PTPRD: variants seen among roughly 807,000 people sequenced by gnomAD.
The protein encoded by PTPRD is protein tyrosine phosphatase receptor type D, also known as receptor-type tyrosine-protein phosphatase delta.
PTPRD carries 34 observed loss-of-function variants against 214.5 expected under a neutral mutation model. That is an observed-to-expected ratio of 0.16 (90% confidence interval 0.12 to 0.21). PTPRD has a LOEUF of 0.21. Among genes scored for constraint, PTPRD ranks in the 10% least tolerant of loss-of-function variants. The pLI is 1.00. For missense variants in PTPRD, 2,545 were observed against 2,398.7 expected (o/e 1.06, Z -1.27); for synonymous variants, 1,128 against 845.7 (o/e 1.33, Z -5.79).
intron 9 of PTPRD, among the ~76,000 whole-genome samples, chr9:9,350,914 C>CA (rs1465905618): frequency 1.3e-5 from 2 of 151,984 alleles, no homozygotes; most frequent in African/African-American, 4.8e-5. Context: ...CAGTTGTCAT[C>CA]AAAAATGAAC....
chr9:10,069,828 T>G (rs1482398091), intron 3 of PTPRD, among the ~76,000 whole-genome samples: 1 of 152,066 alleles, frequency 6.6e-6, no homozygotes, highest in Admixed American at 6.6e-5. Context: ...TGTTTCTGTA[T>G]CTTGCTTCAA....
At chr9:8,763,748 A>T (rs1327959107) in intron 11 of PTPRD, among the ~76,000 whole-genome samples, 1 of 151,894 alleles carries the variant, frequency 6.6e-6, no homozygotes, top group Non-Finnish European at 1.5e-5. Context: ...TTTCTAGAAG[A>T]GAATGATCAT....
intron 4 of PTPRD, among the ~76,000 whole-genome samples, chr9:9,965,707 T>TTAAATTTTAAATTTTAAATTTTA (rs2094639743): frequency 6.6e-6 from 1 of 152,210 alleles, no homozygotes; most frequent in Non-Finnish European, 1.5e-5. Flanking sequence ...ATTTTGGCTG[T>TTAAATTTTAAATTTTAAATTTTA]AAGTGTTGGG....
intron 7 of PTPRD, among the ~76,000 whole-genome samples, chr9:9,714,556 G>A (rs1252441188): frequency 6.6e-6 from 1 of 152,164 alleles, no homozygotes; most frequent in African/African-American, 2.4e-5. Flanking sequence ...CTATTAGCTA[G>A]GTTTTGCCAA....
chr9:8,586,873 C>T (rs1287194549), intron 14 of PTPRD, among the ~76,000 whole-genome samples: 2 of 152,166 alleles, frequency 1.3e-5, no homozygotes, highest in South Asian at 2.1e-4. Context: ...GCCGGCTGGG[C>T]GCCGTGGCTC....
intron 2 of PTPRD, among the ~76,000 whole-genome samples, chr9:10,451,108 T>A (rs930272631): frequency 3.3e-5 from 5 of 152,000 alleles, no homozygotes; most frequent in African/African-American, 1.2e-4. Context: ...TTAAAAGTAT[T>A]TAAGTATACG....
At chr9:10,248,533 A>AAAAAAAAAAAAAAGAAAAAAC (rs60272481) in intron 3 of PTPRD, among the ~76,000 whole-genome samples, 1 of 127,444 alleles carries the variant, frequency 7.8e-6, no homozygotes, top group African/African-American at 3.3e-5. Context: ...AAAATAAAAA[A>AAAAAAAAAAAAAAGAAAAAAC]AATAAAGCGA....
chr9:8,805,097 G>C (rs955049764), intron 11 of PTPRD, among the ~76,000 whole-genome samples: 8 of 152,140 alleles, frequency 5.3e-5, no homozygotes, highest in Non-Finnish European at 7.4e-5. Flanking sequence ...CATGGGATCA[G>C]AACCTATACC....
intron 10 of PTPRD, among the ~76,000 whole-genome samples, chr9:9,052,204 T>C (rs1033535859): frequency 6.6e-6 from 1 of 152,160 alleles, no homozygotes; most frequent in Non-Finnish European, 1.5e-5. Context: ...GTCTATTTTA[T>C]TAGGATACAA....
chr9:9,286,821 T>C (rs1949536153), intron 9 of PTPRD, among the ~76,000 whole-genome samples: 1 of 137,200 alleles, frequency 7.3e-6, no homozygotes, highest in African/African-American at 2.7e-5. Flanking sequence ...AAAATGATGC[T>C]CAAAAAATGA....
chr9:9,736,014 G>T (rs1174821604), intron 6 of PTPRD, among the ~76,000 whole-genome samples: 1 of 152,044 alleles, frequency 6.6e-6, no homozygotes, highest in Non-Finnish European at 1.5e-5. Flanking sequence ...GTCACACTGG[G>T]TAAGTGTATA....
rs545616708 is a variant in PTPRD, at chr9:9,920,644, G to A, written c.-368+17863C>T. ...CTAGTGGTAGAAGGAGATGCCAATT[G>A]CTCACTGCTCAGGTTCCAGGGGATT... On this transcript the variant is annotated intron_variant, in intron 5 of 45. Coordinates refer to ENST00000381196, the MANE Select transcript of PTPRD (RefSeq NM_002839.4). 1.2e-4 allele frequency among the ~76,000 whole-genome samples: 19 copies of A among 152,224 alleles called. 1 individual carries two copies. The South Asian group carries it at 3.9e-3, about 32-fold the overall frequency.
intron 8 of PTPRD, among the ~76,000 whole-genome samples, chr9:9,424,018 A>G (rs2079847778): frequency 6.6e-6 from 1 of 152,174 alleles, no homozygotes; most frequent in Non-Finnish European, 1.5e-5. Context: ...CCTTGGCCAA[A>G]TCCTACTCTA....
At chr9:9,847,861 G>A (rs1173731168) in intron 5 of PTPRD, among the ~76,000 whole-genome samples, 1 of 152,086 alleles carries the variant, frequency 6.6e-6, no homozygotes, top group East Asian at 1.9e-4. Context: ...TGATCCAGCT[G>A]AGATACCTGC....
At position 9,089,353 on chromosome 9, in the gene PTPRD, C is replaced by T. The variant is rs570383077; in HGVS notation, c.-142-70618G>A. Among the ~76,000 whole-genome samples the T allele has an allele frequency of 1.4e-4, 22 of 152,280 alleles. No individual in the cohort carries two copies. The East Asian group carries it at 4.2e-3, about 29-fold the overall frequency. ...TGGGCCAGATTTGATCCAAGGTCTA[C>T]AGTTTGCTGACTGCTACTATGGGCA... On this transcript the variant is annotated intron_variant, in intron 10 of 45. Coordinates refer to ENST00000381196, the MANE Select transcript of PTPRD (RefSeq NM_002839.4).
chr9:10,600,446 A>G (rs2077675773), intron 2 of PTPRD, among the ~76,000 whole-genome samples: 1 of 151,772 alleles, frequency 6.6e-6, no homozygotes, highest in Admixed American at 6.6e-5. Context: ...TATACATGCC[A>G]TACTCAACAG....
chr9:9,306,653 C>G (rs972030911), intron 9 of PTPRD, among the ~76,000 whole-genome samples: 1 of 150,062 alleles, frequency 6.7e-6, no homozygotes, highest in Non-Finnish European at 1.5e-5. Context: ...TGAAGGCACA[C>G]ATTTTTAGGG....
chr9:9,086,109 C>CT (rs201391190), intron 10 of PTPRD, among the ~76,000 whole-genome samples: 287 of 152,286 alleles, frequency 1.9e-3, no homozygotes, highest in African/African-American at 6.4e-3. Context: ...CTTCAATTTT[C>CT]TTTTTAAGTA....
At chr9:8,823,084 A>G (rs1244210306) in intron 11 of PTPRD, among the ~76,000 whole-genome samples, 2 of 152,030 alleles carry the variant, frequency 1.3e-5, no homozygotes, top group African/African-American at 2.4e-5. Context: ...ATTTTACTCA[A>G]CAGCCCACAC....
Sources: allele counts gnomAD v4.1 joint callset (sites outside exome capture counted in the v4.1 genomes callset), GRCh38; gene constraint gnomAD v4.1.1; transcripts MANE v1.5; gene names NCBI Gene and HGNC (gene_info 2026-07-23, HGNC 2026-07-21).